Variants in RFWD3 observed in about 807,000 individuals in gnomAD.
RFWD3 encodes the protein E3 ubiquitin-protein ligase RFWD3.
Under a neutral mutation model 87.7 loss-of-function variants are expected in RFWD3, and 65 were observed. That is an observed-to-expected ratio of 0.74 (90% CI 0.61 to 0.91). The LOEUF (loss-of-function observed/expected upper bound fraction) is 0.91, where lower values mean the gene tolerates loss of function less well. Ranked by LOEUF, RFWD3 falls within the 40% of genes least tolerant of loss-of-function variation. The pLI is 0.00. For missense variants in RFWD3, 1,078 were observed against 938.5 expected, an observed-to-expected ratio of 1.15 and a Z score of -1.94; for synonymous variants, 433 against 352.8, an observed-to-expected ratio of 1.23 and a Z score of -2.55.
chr16:74,629,052 A>T (rs1959015555), intron 10 of RFWD3, among the ~76,000 whole-genome samples: 1 of 152,222 alleles, frequency 6.6e-6, no homozygotes, highest in South Asian at 2.1e-4. Context: ...CCCAAGTTGT[A>T]GTTGACAGAC....
chr16:74,664,292 C>G (rs1597464494), intron 1 of RFWD3: 1 of 151,988 alleles, frequency 6.6e-6, no homozygotes, highest in Non-Finnish European at 1.5e-5. Context: ...ACGACAGTCT[C>G]CCAAGAATTG....
chr16:74,637,122 T>TAAAAAAAAAAAAAAAA (rs759556308), intron 7 of RFWD3, among the ~76,000 whole-genome samples: 7 of 101,790 alleles, frequency 6.9e-5, no homozygotes, highest in Non-Finnish European at 1.1e-4. Context: ...TAAAGTCCTT[T>TAAAAAAAAAAAAAAAA]AAAAAAAAAA....
At chr16:74,654,166 CT>C (rs1567583830) in intron 2 of RFWD3, among the ~76,000 whole-genome samples, 2 of 152,080 alleles carry the variant, frequency 1.3e-5, no homozygotes, top group Non-Finnish European at 2.9e-5. Context: ...GTCATGTCCT[CT>C]CTTTCATTCT....
rs993223067 is a variant in RFWD3 at position 74,628,553 on chromosome 16, T to C, written c.1868A>G (p.Asp623Gly). The change falls in exon 11 of 13, where the codon GAC becomes GGC. Residue 623 changes from aspartate (D) to glycine (G), a missense_variant. Physicochemically the swap from Asp to Gly is moderately conservative, Grantham distance 94. Coordinates refer to ENST00000361070, the MANE Select transcript of RFWD3 (RefSeq NM_018124.4). The stretch of plus-strand genomic sequence containing the variant: ...CAGCACATGAGGCCAATGAGAAAAG[T>C]CCATTTTCTGTTCCCAGAATGAAGC... ...EDASFWEQKM[D>G]FSHWPHVLPL... 1.9e-6 allele frequency: 3 copies of C among 1,614,100 alleles called. No individual in the cohort carries two copies. Among genetic ancestry groups the C allele is most frequent in the Non-Finnish European group, 1.7e-6 (2 of 1,180,016 alleles).
At chr16:74,631,463 A>ACTCTCTCTCTCTCTCTCT (rs56056110) in intron 9 of RFWD3, among the ~76,000 whole-genome samples, 1 of 150,160 alleles carries the variant, frequency 6.7e-6, no homozygotes, top group African/African-American at 2.5e-5. Flanking sequence ...ACAGAGTGAG[A>ACTCTCTCTCTCTCTCTCT]CTCTCTCTCT....
In RFWD3 at chr16:74,623,357, G is replaced by A. The variant is rs1462902787; in HGVS notation, c.*571C>T. The A allele has an allele frequency of 1.3e-5, 2 of 152,918 alleles. No individual in the cohort carries two copies. The highest frequency in any genetic ancestry group is 2.9e-5 in the Non-Finnish European group (2 of 68,240). 9.5% of individuals were successfully genotyped at this position (152,918 alleles called of 1,614,324 possible). ...CACCCAGGTGTGCTATCACACACTT[G>A]TGTGGAGATGAGACAAGTTACTAAA... On this transcript the variant is annotated 3_prime_UTR_variant, in exon 13 of 13. Coordinates refer to ENST00000361070, the MANE Select transcript of RFWD3 (RefSeq NM_018124.4).
At position 74,652,130 on chromosome 16, in the gene RFWD3, C is replaced by A. The variant is rs746915233; in HGVS notation, c.519-8G>T. The A allele has an allele frequency of 1.2e-6, 2 of 1,611,954 alleles. No individual in the cohort carries two copies. Among genetic ancestry groups the A allele is most frequent in the Admixed American group, 3.3e-5 (2 of 59,912 alleles). On this transcript the variant is annotated splice_region_variant and splice_polypyrimidine_tract_variant and intron_variant, in intron 2 of 12. Coordinates refer to ENST00000361070, the MANE Select transcript of RFWD3 (RefSeq NM_018124.4). ...TCCAATGGTGCTCTCAACCTATGTA[C>A]ACAGAAAGACAACGGAATTATAGTA...
chr16:74,666,093 G>A (rs1961870763), intron 1 of RFWD3, among the ~76,000 whole-genome samples: 1 of 152,100 alleles, frequency 6.6e-6, no homozygotes, highest in Admixed American at 6.6e-5. Context: ...GGAGACGGGA[G>A]GGGAAGGGAG....
intron 7 of RFWD3, 48 bp from the exon 8 acceptor site, chr16:74,636,625 T>G: frequency 7.7e-7 from 1 of 1,306,348 alleles, no homozygotes; most frequent in Non-Finnish European, 1.1e-6. Context: ...AATTTGATAT[T>G]CCCCTCAAAT....
In RFWD3 at chr16:74,660,992, C is replaced by G. The variant is rs1961386040; in HGVS notation, c.458G>C (p.Arg153Thr). ...TGCCCTCCGTGAAGCAGATACCCTC[C>G]TTCTTGTTCTCATTGGCCCTACACT... ...NHSVGPMRTR[R>T]RVSASRRARA... The change falls in exon 2 of 13, where the codon AGG (arginine) becomes ACG (threonine). Residue 153 changes from arginine (R) to threonine (T), a missense_variant. By Grantham distance (71) the Arg-to-Thr change is moderately conservative. Transcript: ENST00000361070. 1 of 1,614,022 alleles carries G rather than the reference C, an allele frequency of 6.2e-7. No homozygotes were observed. Among genetic ancestry groups the G allele is most frequent in the Non-Finnish European group, 8.5e-7 (1 of 1,179,982 alleles).
At chr16:74,654,466 G>T (rs1191826211) in intron 2 of RFWD3, among the ~76,000 whole-genome samples, 3 of 152,104 alleles carry the variant, frequency 2.0e-5, no homozygotes, top group Non-Finnish European at 4.4e-5. Context: ...TAAATGTTGT[G>T]TATGTTGACT....
intron 2 of RFWD3, among the ~76,000 whole-genome samples, chr16:74,656,324 A>G (rs184553027): frequency 0.12 from 17,543 of 148,720 alleles, 1,429 homozygotes; most frequent in Admixed American, 0.22. Context: ...AAAAAAAAAA[A>G]AAAAAAAGAA....
chr16:74,638,020 A>C, intron 6 of RFWD3, 50 bp from the exon 7 acceptor site: 4 of 1,265,974 alleles, frequency 3.2e-6, no homozygotes, highest in Non-Finnish European at 4.6e-6. Context: ...GCTACAGAAG[A>C]CTTCCCATCC....
At chr16:74,636,311 A>G (rs766658885) in intron 8 of RFWD3, 35 bp downstream of exon 8, 1 of 1,571,184 alleles carries the variant, frequency 6.4e-7, no homozygotes, top group South Asian at 1.1e-5. Flanking sequence ...GGAGTCTAAT[A>G]AAGAACATGA....
At position 74,636,388 on chromosome 16, in the gene RFWD3, G is replaced by A. The variant is rs1959197567; in HGVS notation, c.1384C>T (p.Leu462=). The part of the protein sequence containing the change: ...IMAYCDALSC[L]VISQPSPQAS... ...TGAGGAGAAGGCTGTGATATCACCAGGCAGCTCAGAGCATCACAGTATGCC... is the reference window on the plus strand; with the variant it reads ...TGAGGAGAAGGCTGTGATATCACCAAGCAGCTCAGAGCATCACAGTATGCC... The change falls in exon 8 of 13, where the codon CTG becomes TTG. Residue 462 remains leucine (L), a synonymous_variant. Coordinates refer to ENST00000361070, the MANE Select transcript of RFWD3 (RefSeq NM_018124.4). 1.2e-6 allele frequency: 2 copies of A among 1,614,040 alleles called. No homozygotes were observed. Among genetic ancestry groups the A allele is most frequent in the Admixed American group, 1.7e-5 (1 of 59,998 alleles).
At chr16:74,659,697 C>T (rs1007101701) in intron 2 of RFWD3, among the ~76,000 whole-genome samples, 2 of 152,126 alleles carry the variant, frequency 1.3e-5, no homozygotes, top group African/African-American at 4.8e-5. Context: ...ACTGGAGCCA[C>T]AGTCATGGCA....
At chr16:74,655,341 G>A (rs1960885724) in intron 2 of RFWD3, among the ~76,000 whole-genome samples, 1 of 151,726 alleles carries the variant, frequency 6.6e-6, no homozygotes, top group African/African-American at 2.4e-5. Flanking sequence ...CCGGGTTCAC[G>A]CCATTCTCCT....
intron 6 of RFWD3, among the ~76,000 whole-genome samples, chr16:74,642,452 C>T (rs1959744529): frequency 1.3e-5 from 2 of 151,818 alleles, no homozygotes; most frequent in Admixed American, 6.6e-5. Context: ...TTAACTTCTT[C>T]TTCTTTAAAA....
chr16:74,644,831 A>T, intron 4 of RFWD3, 96 bp from the exon 5 acceptor site: 1 of 1,102,780 alleles, frequency 9.1e-7, no homozygotes, highest in South Asian at 1.6e-5. Flanking sequence ...TGCAAAAAAA[A>T]TGATACAATC....
Sources: gnomAD v4.1 joint callset for allele counts (sites outside exome capture counted in the v4.1 genomes callset) on GRCh38, gnomAD v4.1.1 for gene constraint, MANE v1.5 for transcripts, NCBI Gene and HGNC (gene_info 2026-07-23, HGNC 2026-07-21) for gene names.